Variants in ZNF407 observed in about 807,000 individuals in gnomAD.
The protein encoded by ZNF407 is zinc finger protein 407.
In ZNF407, 17 loss-of-function variants were observed where a neutral mutation model predicts 131.2. The ratio of observed to expected loss-of-function variants is 0.13; its 90% confidence interval spans 0.09 to 0.19. ZNF407 has a LOEUF of 0.19. Among genes scored for constraint, ZNF407 ranks in the 10% least tolerant of loss-of-function variants. The pLI, the probability that ZNF407 is intolerant of heterozygous loss-of-function variation, is 1.00. For synonymous variants in ZNF407, 1,156 were observed against 1,062.0 expected, an observed-to-expected ratio of 1.09 and a Z score of -1.72; for missense variants, 2,681 against 2,830.6, an observed-to-expected ratio of 0.95 and a Z score of 1.20.
intron 8 of ZNF407, among the ~76,000 whole-genome samples, chr18:74,946,003 T>A (rs1264357753): frequency 6.6e-6 from 1 of 152,230 alleles, no homozygotes; most frequent in Non-Finnish European, 1.5e-5. Context: ...CAGCCATTCA[T>A]TGCTGCCCAT....
chr18:74,623,208 AT>A (rs1568317155), intron 1 of ZNF407, among the ~76,000 whole-genome samples: 1 of 150,112 alleles, frequency 6.7e-6, no homozygotes, highest in Non-Finnish European at 1.5e-5. Context: ...ATGTCTGTGA[AT>A]ATGTGACTGC....
rs917053154 is a variant in ZNF407, at chr18:75,063,760, G to T, written c.6039G>T (p.Arg2013Ser). Reference protein sequence around the residue: ...EGRAGLEEQGRPGAKDVLIQL... With the variant: ...EGRAGLEEQGSPGAKDVLIQL... ...GGGCTGGGCTCGAGGAGCAAGGCAG[G>T]CCCGGCGCCAAAGACGTGCTGATCC... Residue 2013 changes from arginine to serine, a missense_variant, in exon 9 of 9, where the codon AGG becomes AGT. By Grantham distance (110) the Arg-to-Ser change is moderately radical. Around this residue, in one of 6 missense-constraint regions of ZNF407, gnomAD observed 620 missense variants for 583.1 expected, o/e 1.06. Coordinates refer to ENST00000299687, the MANE Select transcript of ZNF407 (RefSeq NM_017757.3). The surrounding 1 kb of genome is among the most constrained non-coding windows in gnomAD (Gnocchi z 6.6). 25 of 1,611,284 alleles carry T rather than the reference G, an allele frequency of 1.6e-5. No individual in the cohort carries two copies. Among genetic ancestry groups the T allele is most frequent in the Middle Eastern group, 3.3e-4 (2 of 6,084 alleles).
At chr18:74,707,045 A>T (rs1967643362) in intron 3 of ZNF407, among the ~76,000 whole-genome samples, 1 of 149,322 alleles carries the variant, frequency 6.7e-6, no homozygotes, top group African/African-American at 2.5e-5. Context: ...TCTGCCTACC[A>T]GGTTCCATGA....
At chr18:75,043,551 G>A (rs1973398380) in intron 8 of ZNF407, among the ~76,000 whole-genome samples, 1 of 152,128 alleles carries the variant, frequency 6.6e-6, no homozygotes, top group Non-Finnish European at 1.5e-5. Context: ...TATGGCTTCT[G>A]CACCAACCCT....
chr18:74,913,169 T>C (rs1215618807), intron 7 of ZNF407, among the ~76,000 whole-genome samples: 1 of 152,222 alleles, frequency 6.6e-6, no homozygotes, highest in Non-Finnish European at 1.5e-5. Context: ...TTTATCAGAA[T>C]TCATGCCCAT....
intron 3 of ZNF407, among the ~76,000 whole-genome samples, chr18:74,749,112 A>G (rs1351391000): frequency 6.6e-6 from 1 of 152,196 alleles, no homozygotes; most frequent in East Asian, 1.9e-4. Context: ...GAGGCAGGGG[A>G]CTAACATTCA....
At chr18:74,999,373 A>AC (rs1402164249) in intron 8 of ZNF407, among the ~76,000 whole-genome samples, 6 of 148,718 alleles carry the variant, frequency 4.0e-5, no homozygotes, top group Non-Finnish European at 8.9e-5. Context: ...AAAAAAAAAA[A>AC]AACAAAGGTA....
intron 4 of ZNF407, among the ~76,000 whole-genome samples, chr18:74,876,501 G>A (rs1599214452): frequency 6.6e-6 from 1 of 152,278 alleles, no homozygotes; most frequent in East Asian, 1.9e-4. Context: ...TAAAGGTATT[G>A]AAAGGTCTTA....
chr18:74,978,030 C>G (rs1037914219), intron 8 of ZNF407, among the ~76,000 whole-genome samples: 2 of 152,078 alleles, frequency 1.3e-5, no homozygotes, highest in Non-Finnish European at 2.9e-5. Context: ...TTTTTCTGCA[C>G]TTATGGCACC....
intron 8 of ZNF407, among the ~76,000 whole-genome samples, chr18:75,009,135 T>C (rs1166207918): frequency 1.3e-5 from 2 of 152,178 alleles, no homozygotes; most frequent in Non-Finnish European, 2.9e-5. Flanking sequence ...TAAAACTTCA[T>C]TTACAAAAAT....
intron 1 of ZNF407, among the ~76,000 whole-genome samples, chr18:74,619,839 C>T (rs1031302079): frequency 3.9e-5 from 6 of 152,020 alleles, no homozygotes; most frequent in Non-Finnish European, 5.9e-5. Flanking sequence ...ATTATAATGT[C>T]TTTAGTTGTA....
chr18:74,944,981 T>C (rs913137730), intron 8 of ZNF407, among the ~76,000 whole-genome samples: 1 of 152,180 alleles, frequency 6.6e-6, no homozygotes, highest in Non-Finnish European at 1.5e-5. Context: ...CTGACAGAAA[T>C]GTACTCCTTG....
intron 4 of ZNF407, among the ~76,000 whole-genome samples, chr18:74,850,005 T>A (rs1475370561): frequency 6.6e-6 from 1 of 152,178 alleles, no homozygotes; most frequent in African/African-American, 2.4e-5. Flanking sequence ...TATGTTAAAA[T>A]TAGAGGGAAA....
chr18:74,922,177 C>T (rs1219413311), intron 8 of ZNF407, among the ~76,000 whole-genome samples: 2 of 152,150 alleles, frequency 1.3e-5, no homozygotes, highest in Non-Finnish European at 2.9e-5. Context: ...CAGATAAAGT[C>T]GAGTTGAAAT....
intron 4 of ZNF407, among the ~76,000 whole-genome samples, chr18:74,832,886 A>C (rs780754696): frequency 6.6e-6 from 1 of 152,122 alleles, no homozygotes; most frequent in Non-Finnish European, 1.5e-5. Context: ...TTTTATTTTT[A>C]TTTCTATTGA....
At chr18:74,797,764 T>C (rs1969947176) in intron 4 of ZNF407, among the ~76,000 whole-genome samples, 1 of 152,196 alleles carries the variant, frequency 6.6e-6, no homozygotes, top group Non-Finnish European at 1.5e-5. Flanking sequence ...CAGGCTGCTA[T>C]TGGTGCCTTT....
At chr18:74,779,381 T>A (rs1036915691) in intron 3 of ZNF407, among the ~76,000 whole-genome samples, 1 of 151,920 alleles carries the variant, frequency 6.6e-6, no homozygotes, top group African/African-American at 2.4e-5. Context: ...CCCAGAGTGC[T>A]GGGATTACAG....
At chr18:74,909,312 A>AT (rs1198756468) in intron 7 of ZNF407, among the ~76,000 whole-genome samples, 1 of 152,092 alleles carries the variant, frequency 6.6e-6, no homozygotes, top group Non-Finnish European at 1.5e-5. Context: ...TGTGTTTAAT[A>AT]TAAAAACTAG....
intron 1 of ZNF407, among the ~76,000 whole-genome samples, chr18:74,624,620 C>T (rs1319497054): frequency 6.6e-6 from 1 of 152,198 alleles, no homozygotes; most frequent in African/African-American, 2.4e-5. Context: ...CCTACTGGCA[C>T]CAATGAATAA....
Sources: allele counts gnomAD v4.1 joint callset (sites outside exome capture counted in the v4.1 genomes callset), GRCh38; gene constraint gnomAD v4.1.1; regional missense constraint gnomAD v4.1.1; non-coding constraint Gnocchi (gnomAD v3.1); transcripts MANE v1.5; gene names NCBI Gene and HGNC (gene_info 2026-07-23, HGNC 2026-07-21).